LEMD3: variants seen among roughly 807,000 people sequenced by gnomAD.
LEMD3 encodes LEM domain containing 3, also known as inner nuclear membrane protein Man1.
A neutral mutation model predicts 95.2 loss-of-function variants in LEMD3; 33 were observed. The observed-to-expected ratio is 0.35, with a 90% CI of 0.26 to 0.46. The LOEUF is 0.46. LEMD3 is among the 20% of genes least tolerant of loss of function. The probability of loss-of-function intolerance (pLI) is 1.00; values close to 1 mark genes in which losing one functional copy is unlikely to be tolerated. For synonymous variants in LEMD3, 525 were observed against 474.6 expected, an observed-to-expected ratio of 1.11 and a Z score of -1.38; for missense variants, 1,210 against 1,192.8, an observed-to-expected ratio of 1.01 and a Z score of -0.21.
intron 1 of LEMD3, among the ~76,000 whole-genome samples, chr12:65,188,486 A>G (rs535190419): frequency 5.8e-4 from 88 of 152,280 alleles, no homozygotes; most frequent in Non-Finnish European, 8.7e-4. Context: ...ACATAAGTGG[A>G]AAGGCCCTAG....
intron 4 of LEMD3, among the ~76,000 whole-genome samples, chr12:65,230,796 A>T (rs772843937): frequency 2.6e-5 from 4 of 152,196 alleles, no homozygotes; most frequent in Non-Finnish European, 5.9e-5. Flanking sequence ...TATGTTAAAT[A>T]AGAATGGTGA....
At chr12:65,245,588 A>G (rs1871081505) in intron 10 of LEMD3, 81 bp from the exon 11 acceptor site, 1 of 900,874 alleles carries the variant, frequency 1.1e-6, no homozygotes, top group Non-Finnish European at 1.9e-6. Context: ...TTCTAGTAAT[A>G]TATATATGTT....
intron 1 of LEMD3, among the ~76,000 whole-genome samples, chr12:65,182,680 T>C (rs1868942177): frequency 6.6e-6 from 1 of 152,200 alleles, no homozygotes; most frequent in African/African-American, 2.4e-5. Context: ...GTAGCCTTGC[T>C]GATCACTAAA....
chr12:65,220,804 A>G (rs938399442), intron 4 of LEMD3, among the ~76,000 whole-genome samples: 2 of 152,200 alleles, frequency 1.3e-5, no homozygotes, highest in Admixed American at 1.3e-4. Context: ...CAGTTTTCCT[A>G]GCACCATTTA....
At chr12:65,183,269 T>C (rs1868960444) in intron 1 of LEMD3, among the ~76,000 whole-genome samples, 1 of 152,188 alleles carries the variant, frequency 6.6e-6, no homozygotes, top group Admixed American at 6.5e-5. Flanking sequence ...TTTTATGCTC[T>C]TTTTTGAATT....
chr12:65,213,748 G>C (rs781633955), intron 2 of LEMD3, among the ~76,000 whole-genome samples: 18 of 152,138 alleles, frequency 1.2e-4, no homozygotes, highest in Non-Finnish European at 2.4e-4. Context: ...GTTTATTAAA[G>C]ATGTAATCAG....
At chr12:65,223,020 C>T (rs759428414) in intron 4 of LEMD3, among the ~76,000 whole-genome samples, 12 of 152,032 alleles carry the variant, frequency 7.9e-5, no homozygotes, top group African/African-American at 2.4e-4. Context: ...TGATTTCGGT[C>T]GTCTTTAATG....
Position 65,247,016 on chromosome 12 carries a change from ATG to A in LEMD3, c.*697_*698del, listed in dbSNP as rs1182050401. On this transcript the variant is annotated 3_prime_UTR_variant, in exon 13 of 13. Transcript: ENST00000308330. ...TAATCTAATGTGTGTGTATATATGT[ATG>A]TGTGTATGTGTGTGTATATATAGAT... The A allele has an allele frequency of 6.5e-6, 1 of 153,078 alleles. No individual in the cohort carries two copies. The highest frequency in any genetic ancestry group is 1.5e-5 in the Non-Finnish European group (1 of 68,432). The allele number at this position is 153,078 out of a possible 1,614,324, so 9.5% of individuals were successfully genotyped here.
chr12:65,205,333 T>G (rs1869730923), intron 1 of LEMD3, among the ~76,000 whole-genome samples: 1 of 152,178 alleles, frequency 6.6e-6, no homozygotes, highest in African/African-American at 2.4e-5. Flanking sequence ...TCTCCATTTT[T>G]ATGGTGAGCA....
chr12:65,226,719 G>GTAAAGTCTT (rs1565795173), intron 4 of LEMD3, among the ~76,000 whole-genome samples: 1 of 152,120 alleles, frequency 6.6e-6, no homozygotes, highest in Non-Finnish European at 1.5e-5. Context: ...TTACATTTTG[G>GTAAAGTCTT]TAAAGTCTCT....
Position 65,238,773 on chromosome 12 carries a change from C to G in LEMD3, c.1880C>G (p.Ala627Gly). The G allele has an allele frequency of 1.2e-6, 2 of 1,613,980 alleles. No individual in the cohort carries two copies. Among genetic ancestry groups the G allele is most frequent in the Non-Finnish European group, 1.7e-6 (2 of 1,179,950 alleles). The change falls in exon 6 of 13, where the codon GCT becomes GGT. Residue 627 changes from alanine to glycine, a missense_variant. By Grantham distance (60) the Ala-to-Gly change is moderately conservative. Coordinates refer to ENST00000308330, the MANE Select transcript of LEMD3 (RefSeq NM_014319.5). Reference protein sequence around the residue: ...LMSFWCRFRRAFVTVTHRLLL... With the variant: ...LMSFWCRFRRGFVTVTHRLLL... Reference sequence around the variant, plus strand: ...TCTTTTTGGTGTCGTTTTCGACGTGCTTTTGTTACTGTAACTCACAGATTA... The same window carrying G: ...TCTTTTTGGTGTCGTTTTCGACGTGGTTTTGTTACTGTAACTCACAGATTA...
At chr12:65,193,732 C>CTGTGTGTGTGTGTGTG (rs746675293) in intron 1 of LEMD3, among the ~76,000 whole-genome samples, 1,720 of 129,390 alleles carry the variant, frequency 0.013, 37 homozygotes, top group African/African-American at 0.022. Flanking sequence ...ACATAACTGG[C>CTGTGTGTGTGTGTGTG]TGTGTGTGTG....
At chr12:65,244,641 A>G (rs1427465261) in intron 10 of LEMD3, among the ~76,000 whole-genome samples, 1 of 152,162 alleles carries the variant, frequency 6.6e-6, no homozygotes, top group African/African-American at 2.4e-5. Flanking sequence ...TGAACCTATC[A>G]TTACAATTAA....
intron 3 of LEMD3, among the ~76,000 whole-genome samples, chr12:65,216,795 A>G (rs758397011): frequency 1.3e-5 from 2 of 152,186 alleles, no homozygotes; most frequent in Non-Finnish European, 2.9e-5. Context: ...CTCTGGTTGA[A>G]TGGAGGTATT....
At chr12:65,208,420 A>G (rs1317861161) in intron 1 of LEMD3, among the ~76,000 whole-genome samples, 1 of 152,136 alleles carries the variant, frequency 6.6e-6, no homozygotes. Context: ...GACTGAATAA[A>G]GAATGAAGTG....
chr12:65,175,175 T>G (rs753674692), intron 1 of LEMD3, among the ~76,000 whole-genome samples: 17 of 152,230 alleles, frequency 1.1e-4, no homozygotes, highest in Non-Finnish European at 2.4e-4. Context: ...TGAGGGCCGT[T>G]GAAAGGAGTC....
At chr12:65,179,913 A>T (rs1297250085) in intron 1 of LEMD3, among the ~76,000 whole-genome samples, 1 of 152,102 alleles carries the variant, frequency 6.6e-6, no homozygotes, top group Non-Finnish European at 1.5e-5. Flanking sequence ...TTTGATTTTC[A>T]TATTTAGATT....
chr12:65,181,533 T>G (rs1338393208), intron 1 of LEMD3, among the ~76,000 whole-genome samples: 3 of 152,182 alleles, frequency 2.0e-5, no homozygotes, highest in Non-Finnish European at 1.5e-5. Context: ...ATTTATATAT[T>G]GTGACTTGGG....
intron 1 of LEMD3, among the ~76,000 whole-genome samples, chr12:65,174,528 A>G (rs1868654065): frequency 6.6e-6 from 1 of 152,160 alleles, no homozygotes; most frequent in African/African-American, 2.4e-5. Flanking sequence ...AGATGAAGGA[A>G]ACAGTGAATG....
Sources: gnomAD v4.1 joint callset for allele counts (sites outside exome capture counted in the v4.1 genomes callset) on GRCh38, gnomAD v4.1.1 for gene constraint, MANE v1.5 for transcripts, NCBI Gene and HGNC (gene_info 2026-07-23, HGNC 2026-07-21) for gene names.